The following SPTLC3 variants were observed in gnomAD, a reference collection of about 807,000 sequenced individuals.
SPTLC3 encodes the protein serine palmitoyltransferase 3.
Under a neutral mutation model 59.3 loss-of-function variants are expected in SPTLC3, and 36 were observed. The ratio of observed to expected loss-of-function variants is 0.61; its 90% confidence interval spans 0.47 to 0.80. The LOEUF is 0.80. Among genes scored for constraint, SPTLC3 ranks in the 30% least tolerant of loss-of-function variants. The pLI, the probability that SPTLC3 is intolerant of heterozygous loss-of-function variation, is 0.00. For missense variants in SPTLC3, 625 were observed against 685.1 expected (o/e 0.91, Z 0.98); for synonymous variants, 257 against 240.8 (o/e 1.07, Z -0.62).
At position 13,164,942 on chromosome 20, in the gene SPTLC3, G is replaced by A; in HGVS notation, c.*75G>A. 3 of 1,262,938 alleles carry A rather than the reference G, an allele frequency of 2.4e-6. No individual in the cohort carries two copies. The highest frequency in any genetic ancestry group is 3.3e-6 in the Non-Finnish European group (3 of 906,376). 78.2% of individuals were successfully genotyped at this position (1,262,938 alleles called of 1,614,324 possible). On this transcript the variant is annotated 3_prime_UTR_variant, in exon 12 of 12. Coordinates refer to ENST00000399002, the MANE Select transcript of SPTLC3 (RefSeq NM_018327.4). Reference sequence around the variant, plus strand: ...TCCTTGCCTCACAAGGAATATAAATGGATTTCTCCCCCTTCCTCAGGACAA... The same window carrying A: ...TCCTTGCCTCACAAGGAATATAAATAGATTTCTCCCCCTTCCTCAGGACAA...
At chr20:13,023,301 A>G (rs777940036) in intron 1 of SPTLC3, among the ~76,000 whole-genome samples, 2 of 151,014 alleles carry the variant, frequency 1.3e-5, no homozygotes, top group African/African-American at 2.4e-5. Flanking sequence ...TCACACATAT[A>G]CCTACACACA....
chr20:13,072,459 G>A (rs1568588528), intron 3 of SPTLC3, 49 bp downstream of exon 3: 1 of 1,489,510 alleles, frequency 6.7e-7, no homozygotes, highest in Non-Finnish European at 9.0e-7. Context: ...ACCTTTCAAG[G>A]AAATCCTAGC....
At chr20:13,049,878 A>G (rs1405265436) in intron 2 of SPTLC3, 2 of 152,180 alleles carry the variant, frequency 1.3e-5, no homozygotes, top group African/African-American at 4.8e-5. Flanking sequence ...AGCTCACAGG[A>G]AGCCACATCC....
chr20:13,082,231 T>C (rs949737414), intron 4 of SPTLC3, among the ~76,000 whole-genome samples: 5 of 152,166 alleles, frequency 3.3e-5, no homozygotes, highest in Non-Finnish European at 7.3e-5. Flanking sequence ...ATAAATACCA[T>C]AAGATGAGAC....
At chr20:13,117,135 G>C (rs1184987939) in intron 7 of SPTLC3, among the ~76,000 whole-genome samples, 1 of 152,154 alleles carries the variant, frequency 6.6e-6, no homozygotes, top group African/African-American at 2.4e-5. Context: ...GCTGATAAAG[G>C]GAATGACTAT....
chr20:13,053,489 AG>A (rs1402813891), intron 2 of SPTLC3, among the ~76,000 whole-genome samples: 1 of 152,148 alleles, frequency 6.6e-6, no homozygotes, highest in African/African-American at 2.4e-5. Flanking sequence ...TCTCCTCCAA[AG>A]GATCACAACT....
At chr20:13,060,486 G>A (rs1327738513) in intron 2 of SPTLC3, among the ~76,000 whole-genome samples, 1 of 151,838 alleles carries the variant, frequency 6.6e-6, no homozygotes, top group Non-Finnish European at 1.5e-5. Flanking sequence ...GGGTAAGAAT[G>A]CAGTTTTGTT....
Position 13,072,423 on chromosome 20 carries a change from C to G in SPTLC3, c.458+13C>G. 6.4e-7 allele frequency: 1 copy of G among 1,554,440 alleles called. No homozygotes were observed. The highest frequency in any genetic ancestry group is 1.2e-5 in the South Asian group (1 of 81,836). The stretch of plus-strand genomic sequence containing the variant: ...ACTGGACGTTTAGGTGAGAGAACTT[C>G]TTGGAGGGGATTGGTGAAAAGAAAA... On this transcript the variant is annotated intron_variant, in intron 3 of 11. Transcript: ENST00000399002.
At position 13,153,947 on chromosome 20, in the gene SPTLC3, C is replaced by T. The variant is rs1024187109; in HGVS notation, c.1280-56C>T. 8 of 1,598,804 alleles carry T rather than the reference C, an allele frequency of 5.0e-6. No homozygotes were observed. The Admixed American group carries it at 8.5e-5, about 17-fold the overall frequency. On this transcript the variant is annotated intron_variant, in intron 9 of 11. Coordinates refer to ENST00000399002, the MANE Select transcript of SPTLC3 (RefSeq NM_018327.4). ...AAGATGCTTGCCAAGTTGACCGGAC[C>T]TTTACTTCCCTCTTTCTAGTGGGAA...
At chr20:13,096,944 T>A (rs756046907) in intron 6 of SPTLC3, among the ~76,000 whole-genome samples, 39 of 152,246 alleles carry the variant, frequency 2.6e-4, no homozygotes, top group African/African-American at 9.1e-4. Context: ...TGGATCTCAA[T>A]TTTTCTATTC....
chr20:13,097,492 A>T (rs143788984), intron 6 of SPTLC3, among the ~76,000 whole-genome samples: 117 of 152,232 alleles, frequency 7.7e-4, no homozygotes, highest in African/African-American at 2.3e-3. Context: ...GATGAAAAAA[A>T]AATAATAATT....
At chr20:13,055,480 T>C (rs1356401675) in intron 2 of SPTLC3, among the ~76,000 whole-genome samples, 1 of 152,086 alleles carries the variant, frequency 6.6e-6, no homozygotes, top group East Asian at 1.9e-4. Context: ...AAGTAACTAA[T>C]GCATAATAAA....
rs2038990653 is a variant in SPTLC3, at chr20:13,166,841, G to A, written c.*1974G>A. The stretch of plus-strand genomic sequence containing the variant: ...AGCCCCTAGACATGTGTCTTCATGA[G>A]CAGGAATGTCCACTATTATTACTTT... On this transcript the variant is annotated 3_prime_UTR_variant, in exon 12 of 12. Coordinates refer to ENST00000399002, the MANE Select transcript of SPTLC3 (RefSeq NM_018327.4). The A allele has an allele frequency of 6.6e-6, 1 of 152,118 alleles. No homozygotes were observed. Among genetic ancestry groups the A allele is most frequent in the African/African-American group, 2.4e-5 (1 of 41,428 alleles). The allele number at this position is 152,118 out of a possible 1,614,324, so 9.4% of individuals were successfully genotyped here.
At chr20:13,030,817 CCTACTGATTATT>C (rs1442739154) in intron 1 of SPTLC3, among the ~76,000 whole-genome samples, 2 of 152,098 alleles carry the variant, frequency 1.3e-5, no homozygotes, top group African/African-American at 4.8e-5. Flanking sequence ...CTGGTAAACT[CCTACTGATTATT>C]CAGATTTTAT....
intron 1 of SPTLC3, among the ~76,000 whole-genome samples, chr20:13,038,059 T>TATATATATATATATATATATAA (rs1226858145): frequency 1.3e-5 from 2 of 150,426 alleles, no homozygotes; most frequent in Admixed American, 6.6e-5. Flanking sequence ...TATATATATA[T>TATATATATATATATATATATAA]AATATATCTT....
At chr20:13,157,591 T>A (rs1167798228) in intron 10 of SPTLC3, among the ~76,000 whole-genome samples, 1 of 152,020 alleles carries the variant, frequency 6.6e-6, no homozygotes, top group Non-Finnish European at 1.5e-5. Flanking sequence ...GCACATCTCA[T>A]TAAAGCAACA....
intron 7 of SPTLC3, among the ~76,000 whole-genome samples, chr20:13,110,946 G>T (rs1373929326): frequency 9.9e-5 from 15 of 152,086 alleles, no homozygotes; most frequent in Non-Finnish European, 7.4e-5. Flanking sequence ...CTACAAAGGA[G>T]ACTTGAGGAT....
chr20:13,035,131 A>G (rs1369224031), intron 1 of SPTLC3, among the ~76,000 whole-genome samples: 4 of 151,918 alleles, frequency 2.6e-5, no homozygotes, highest in African/African-American at 9.7e-5. Context: ...ACATCTCTCT[A>G]TGTACCATTT....
chr20:13,019,343 A>G (rs1451832678), intron 1 of SPTLC3, among the ~76,000 whole-genome samples: 1 of 152,194 alleles, frequency 6.6e-6, no homozygotes, highest in African/African-American at 2.4e-5. Context: ...GCTAACAAAC[A>G]CCAATTTGTA....
Sources: gnomAD v4.1 joint callset for allele counts (sites outside exome capture counted in the v4.1 genomes callset) on GRCh38, gnomAD v4.1.1 for gene constraint, MANE v1.5 for transcripts, NCBI Gene and HGNC (gene_info 2026-07-23, HGNC 2026-07-21) for gene names.